The following ATP10B variants were observed in gnomAD, a reference collection of about 807,000 sequenced individuals.
ATP10B encodes the protein ATPase phospholipid transporting 10B (putative).
ATP10B carries 122 observed loss-of-function variants against 141.2 expected under a neutral mutation model. That is an observed-to-expected ratio of 0.86 (90% CI 0.75 to 1.00). The LOEUF (loss-of-function observed/expected upper bound fraction) is 1.00. Among genes scored for constraint, ATP10B ranks in the 50% least tolerant of loss-of-function variants. The probability of loss-of-function intolerance (pLI) is 0.00; values close to 1 mark genes in which losing one functional copy is unlikely to be tolerated. For missense variants in ATP10B, 1,876 were observed against 1,825.3 expected (o/e 1.03, Z -0.51); for synonymous variants, 685 against 692.0 (o/e 0.99, Z 0.16).
At chr5:160,701,114 C>T (rs1764644160) in intron 3 of ATP10B, among the ~76,000 whole-genome samples, 1 of 152,124 alleles carries the variant, frequency 6.6e-6, no homozygotes, top group Admixed American at 6.5e-5. Context: ...CCCTCTGCTG[C>T]CAGTTTTGCC....
chr5:160,757,835 G>C (rs2127834068), intron 2 of ATP10B, among the ~76,000 whole-genome samples: 1 of 152,246 alleles, frequency 6.6e-6, no homozygotes, highest in Middle Eastern at 3.4e-3. Flanking sequence ...CGCATTTTAG[G>C]CTGGATAAGG....
At chr5:160,790,927 G>A (rs1021772291) in intron 1 of ATP10B, among the ~76,000 whole-genome samples, 3 of 152,122 alleles carry the variant, frequency 2.0e-5, no homozygotes, top group South Asian at 2.1e-4. Context: ...TGAGTTACAC[G>A]ATGATGAAAG....
chr5:160,806,459 TC>T, intron 1 of ATP10B, among the ~76,000 whole-genome samples: 1 of 152,256 alleles, frequency 6.6e-6, no homozygotes, highest in Non-Finnish European at 1.5e-5. Context: ...CATAAGGTTA[TC>T]CCCCAGAACC....
At chr5:160,685,085 T>G (rs1763667485) in intron 6 of ATP10B, 1 of 703,654 alleles carries the variant, frequency 1.4e-6, no homozygotes, top group African/African-American at 1.7e-5. Context: ...GTGTACTTGC[T>G]GGTCTTGATT....
the ATP10B span, among the ~76,000 whole-genome samples, chr5:160,907,863 TA>T: frequency 4.6e-5 from 7 of 152,190 alleles, no homozygotes; most frequent in Admixed American, 2.0e-4. Flanking sequence ...CCTTGTGACA[TA>T]AGAGTGATGG....
intron 3 of ATP10B, among the ~76,000 whole-genome samples, chr5:160,715,409 C>A (rs1329245428): frequency 8.1e-4 from 117 of 143,834 alleles, no homozygotes; most frequent in African/African-American, 3.0e-3. Context: ...TTCTTTGACT[C>A]GGAAAGGGAA....
In ATP10B at chr5:160,598,965, G is replaced by A. The variant is rs567281421; in HGVS notation, c.3369C>T (p.Tyr1123=). Residue 1123 remains tyrosine (Y), a synonymous_variant, in exon 22 of 26, where the codon TAC becomes TAT. Coordinates refer to ENST00000327245, the MANE Select transcript of ATP10B (RefSeq NM_025153.3). ...VVYYLYKNVC[Y]VNLLFWYQFF... is the part of the protein sequence containing the mutation. ...ACTGATACCAGAAGAGCAGGTTGAC[G>A]TAGCACTGCAGGCAGAGAGCATGGC... The A allele has an allele frequency of 9.0e-5, 145 of 1,613,970 alleles. No homozygotes were observed. Among genetic ancestry groups the A allele is most frequent in the Middle Eastern group, 3.3e-4 (2 of 6,042 alleles).
chr5:160,839,311 G>A (rs113599086), intron 1 of ATP10B, among the ~76,000 whole-genome samples: 2,807 of 152,190 alleles, frequency 0.018, 86 homozygotes, highest in African/African-American at 0.063. Context: ...TCAGTTGCTG[G>A]AATTCAGTGA....
chr5:160,636,057 C>T (rs981520441), intron 11 of ATP10B, 125 bp downstream of exon 11: 59 of 1,089,998 alleles, frequency 5.4e-5, no homozygotes, highest in Non-Finnish European at 7.2e-5. Flanking sequence ...AAGCGATGAC[C>T]ATCTCCTCAT....
the ATP10B span, among the ~76,000 whole-genome samples, chr5:160,908,764 T>G: frequency 6.6e-6 from 1 of 152,280 alleles, no homozygotes; most frequent in African/African-American, 2.4e-5. Flanking sequence ...TTTGCTAATT[T>G]TATTCCATCC....
the ATP10B span, among the ~76,000 whole-genome samples, chr5:160,926,366 G>C: frequency 1.3e-5 from 2 of 152,172 alleles, no homozygotes; most frequent in Non-Finnish European, 2.9e-5. Context: ...TGGGCCCCTA[G>C]CTTCCCAGAA....
At chr5:160,604,392 T>C (rs528556658) in intron 19 of ATP10B, among the ~76,000 whole-genome samples, 3 of 152,252 alleles carry the variant, frequency 2.0e-5, no homozygotes, top group Admixed American at 6.5e-5. Context: ...AATGGAGAAT[T>C]TGAGCAACTT....
At chr5:160,619,147 C>G (rs1758182655) in intron 15 of ATP10B, among the ~76,000 whole-genome samples, 1 of 152,196 alleles carries the variant, frequency 6.6e-6, no homozygotes, top group Non-Finnish European at 1.5e-5. Flanking sequence ...AAGACACCAG[C>G]TCCTGAGATT....
At chr5:160,792,718 C>A (rs576327240) in intron 1 of ATP10B, among the ~76,000 whole-genome samples, 1 of 152,288 alleles carries the variant, frequency 6.6e-6, no homozygotes, top group South Asian at 2.1e-4. Context: ...AGGATACACA[C>A]ACTCTCTCTT....
intron 24 of ATP10B, among the ~76,000 whole-genome samples, chr5:160,574,572 G>T (rs1755073067): frequency 6.6e-6 from 1 of 152,146 alleles, no homozygotes; most frequent in Non-Finnish European, 1.5e-5. Flanking sequence ...TTAAATGTAT[G>T]TGCCCCCTCT....
chr5:160,833,781 T>A (rs984072432), intron 1 of ATP10B, among the ~76,000 whole-genome samples: 1 of 152,194 alleles, frequency 6.6e-6, no homozygotes, highest in African/African-American at 2.4e-5. Flanking sequence ...GTGATGTTTT[T>A]AAATCAATTA....
intron 2 of ATP10B, among the ~76,000 whole-genome samples, chr5:160,729,522 A>G (rs913986129): frequency 3.3e-5 from 5 of 152,230 alleles, no homozygotes; most frequent in African/African-American, 1.2e-4. Flanking sequence ...GCAGCTAAAT[A>G]GACTAAACAA....
At chr5:160,868,608 G>T in the ATP10B span, among the ~76,000 whole-genome samples, 1 of 150,458 alleles carries the variant, frequency 6.6e-6, no homozygotes, top group Non-Finnish European at 1.5e-5. Flanking sequence ...GTCAGAGATT[G>T]GATTATAATA....
At chr5:160,782,634 C>T (rs190887910) in intron 2 of ATP10B, among the ~76,000 whole-genome samples, 110 of 152,164 alleles carry the variant, frequency 7.2e-4, no homozygotes, top group African/African-American at 2.4e-3. Flanking sequence ...GCAATATGTG[C>T]AGAGAAATAT....
Sources: gnomAD v4.1 joint callset for allele counts (sites outside exome capture counted in the v4.1 genomes callset) on GRCh38, gnomAD v4.1.1 for gene constraint, MANE v1.5 for transcripts, NCBI Gene and HGNC (gene_info 2026-07-23, HGNC 2026-07-21) for gene names.